The following PDE8B variants were observed in gnomAD, a reference collection of about 807,000 sequenced individuals.
PDE8B encodes high affinity cAMP-specific and IBMX-insensitive 3',5'-cyclic phosphodiesterase 8B.
PDE8B carries 26 observed loss-of-function variants against 101.3 expected under a neutral mutation model. The observed-to-expected ratio is 0.26, with a 90% confidence interval of 0.19 to 0.36. PDE8B has a LOEUF of 0.36. Among genes scored for constraint, PDE8B ranks in the 10% least tolerant of loss-of-function variants. PDE8B has a pLI of 1.00. For synonymous variants in PDE8B, 424 were observed against 429.3 expected (o/e 0.99, Z 0.15); for missense variants, 810 against 1,163.1 (o/e 0.70, Z 4.42).
intron 10 of PDE8B, among the ~76,000 whole-genome samples, chr5:77,361,670 T>A (rs990926108): frequency 3.3e-5 from 5 of 151,892 alleles, no homozygotes; most frequent in African/African-American, 4.8e-5. Flanking sequence ...GCCCGCTACC[T>A]CACCCAGCTA....
the PDE8B span, among the ~76,000 whole-genome samples, chr5:77,164,393 A>G: frequency 1.8e-4 from 28 of 152,350 alleles, no homozygotes; most frequent in African/African-American, 6.5e-4. Context: ...ATAAAACACT[A>G]AGAATTCTTT....
intron 19 of PDE8B, among the ~76,000 whole-genome samples, chr5:77,420,810 C>A (rs923020693): frequency 6.6e-6 from 1 of 152,140 alleles, no homozygotes; most frequent in Non-Finnish European, 1.5e-5. Flanking sequence ...CTCATGTAAG[C>A]CCCCACCTCT....
intron 5 of PDE8B, among the ~76,000 whole-genome samples, chr5:77,335,300 A>G (rs1056381637): frequency 2.0e-5 from 3 of 152,196 alleles, no homozygotes; most frequent in Admixed American, 2.0e-4. Flanking sequence ...TTATAGGCTG[A>G]TATATAGCTT....
chr5:77,318,989 T>C (rs182465929), intron 2 of PDE8B, among the ~76,000 whole-genome samples: 260 of 152,358 alleles, frequency 1.7e-3, no homozygotes, highest in African/African-American at 5.9e-3. Context: ...CATCTTTTTT[T>C]ATAATTAGCC....
At chr5:77,164,191 A>G in the PDE8B span, among the ~76,000 whole-genome samples, 1 of 152,160 alleles carries the variant, frequency 6.6e-6, no homozygotes, top group Non-Finnish European at 1.5e-5. Flanking sequence ...GTATTTAAAA[A>G]CCAATTGGCA....
chr5:77,344,766 C>A, intron 6 of PDE8B, 87 bp from the exon 7 acceptor site: 1 of 870,408 alleles, frequency 1.1e-6, no homozygotes, highest in Non-Finnish European at 2.0e-6. Flanking sequence ...TTTGATGAAC[C>A]TGGTATCTGT....
At chr5:77,187,806 A>G in the PDE8B span, among the ~76,000 whole-genome samples, 21 of 152,230 alleles carry the variant, frequency 1.4e-4, no homozygotes, top group African/African-American at 5.1e-4. Flanking sequence ...AATTACACTG[A>G]GGCATAAACA....
chr5:77,162,594 T>C, the PDE8B span, among the ~76,000 whole-genome samples: 3 of 152,042 alleles, frequency 2.0e-5, no homozygotes, highest in Non-Finnish European at 2.9e-5. Flanking sequence ...TGGAACAAAA[T>C]AGACCTGCAC....
chr5:77,273,249 G>A (rs536507018), intron 1 of PDE8B, among the ~76,000 whole-genome samples: 65 of 152,010 alleles, frequency 4.3e-4, no homozygotes, highest in Admixed American at 2.7e-3. Flanking sequence ...ACATTGTATC[G>A]TTTTTTATAG....
At chr5:77,419,954 T>C (rs1213521152) in intron 19 of PDE8B, 67 bp downstream of exon 19, 2 of 1,573,074 alleles carry the variant, frequency 1.3e-6, no homozygotes, top group African/African-American at 2.7e-5. Flanking sequence ...GCTCTGGCCC[T>C]GAAGCATTTT....
At chr5:77,233,072 G>A (rs1314561975) in intron 1 of PDE8B, among the ~76,000 whole-genome samples, 4 of 152,024 alleles carry the variant, frequency 2.6e-5, no homozygotes, top group African/African-American at 7.2e-5. Context: ...ATTTCACTCT[G>A]TGGCTTAGTG....
At chr5:77,146,803 C>A in the PDE8B span, 1 of 347,478 alleles carries the variant, frequency 2.9e-6, no homozygotes, top group Admixed American at 3.3e-5. Context: ...ACCTATATCC[C>A]TCCTAAAGAT....
At chr5:77,170,426 CAG>C in the PDE8B span, among the ~76,000 whole-genome samples, 4 of 152,184 alleles carry the variant, frequency 2.6e-5, no homozygotes, top group Non-Finnish European at 5.9e-5. Flanking sequence ...AAAGTCTACA[CAG>C]AGGGCAAGGA....
chr5:77,119,135 A>G, the PDE8B span: 1 of 152,160 alleles, frequency 6.6e-6, no homozygotes, highest in Admixed American at 6.5e-5. Context: ...TACCTACTAG[A>G]TGCCTATTAG....
intron 1 of PDE8B, among the ~76,000 whole-genome samples, chr5:77,301,838 T>C (rs181026204): frequency 6.6e-6 from 1 of 152,348 alleles, no homozygotes; most frequent in East Asian, 1.9e-4. Context: ...GCACTGCATG[T>C]ACGACAGAAA....
chr5:77,423,389 G>T (rs1480148247), intron 20 of PDE8B, among the ~76,000 whole-genome samples: 1 of 152,142 alleles, frequency 6.6e-6, no homozygotes, highest in African/African-American at 2.4e-5. Flanking sequence ...TAATGGGACG[G>T]CTGGGTTGAA....
At chr5:77,203,254 A>G in the PDE8B span, among the ~76,000 whole-genome samples, 7 of 152,160 alleles carry the variant, frequency 4.6e-5, no homozygotes, top group Non-Finnish European at 8.8e-5. Context: ...TTATTCAAAT[A>G]CTGCCCTTTC....
chr5:77,309,944 T>C (rs1381632802), intron 1 of PDE8B, among the ~76,000 whole-genome samples: 1 of 114,872 alleles, frequency 8.7e-6, no homozygotes, highest in African/African-American at 3.7e-5. Flanking sequence ...ATCATTAATC[T>C]TTTTTTTTTT....
Position 77,282,929 on chromosome 5 carries a change from G to A in PDE8B, c.340-29065G>A, listed in dbSNP as rs139963242. Among the ~76,000 whole-genome samples, 526 of 151,952 alleles carry A rather than the reference G, an allele frequency of 3.5e-3. 6 individuals are homozygous for A. Among genetic ancestry groups the A allele is most frequent in the African/African-American group, 0.012 (500 of 41,458 alleles). ...GGAACCTAAGCCCTGTGCTGACCTC[G>A]GGGAGCACTCCCTGGGGCTACCTTT... On this transcript the variant is annotated intron_variant, in intron 1 of 21. Coordinates refer to ENST00000264917, the MANE Select transcript of PDE8B (RefSeq NM_003719.5).
Sources: allele counts gnomAD v4.1 joint callset (sites outside exome capture counted in the v4.1 genomes callset), GRCh38; gene constraint gnomAD v4.1.1; transcripts MANE v1.5; gene names NCBI Gene and HGNC (gene_info 2026-07-23, HGNC 2026-07-21).